DDHD1: variants seen among roughly 807,000 people sequenced by gnomAD.
DDHD1 encodes phospholipase DDHD1.
In DDHD1, 49 loss-of-function variants were observed where a neutral mutation model predicts 96.4. The ratio of observed to expected loss-of-function variants is 0.51; its 90% CI spans 0.40 to 0.64. DDHD1 has a LOEUF of 0.64. Among genes scored for constraint, DDHD1 ranks in the 30% least tolerant of loss-of-function variants. DDHD1 has a pLI of 0.00. For missense variants in DDHD1, 1,106 were observed against 1,161.2 expected (o/e 0.95, Z 0.69); for synonymous variants, 442 against 446.5 (o/e 0.99, Z 0.13).
At chr14:53,084,704 G>C (rs1353937805) in intron 4 of DDHD1, among the ~76,000 whole-genome samples, 2 of 152,138 alleles carry the variant, frequency 1.3e-5, no homozygotes, top group Non-Finnish European at 2.9e-5. Flanking sequence ...CTCCCAGCTT[G>C]ATCGATGCAG....
chr14:53,152,120 GCT>G, intron 1 of DDHD1, 139 bp downstream of exon 1: 4 of 847,172 alleles, frequency 4.7e-6, no homozygotes, highest in South Asian at 4.4e-5. Flanking sequence ...GACGCTCCCT[GCT>G]CAATCTCCAT....
intron 6 of DDHD1, among the ~76,000 whole-genome samples, chr14:53,068,050 A>G (rs1884189522): frequency 6.6e-6 from 1 of 152,100 alleles, no homozygotes; most frequent in African/African-American, 2.4e-5. Context: ...TTATAAATTT[A>G]TTTTGATATA....
At chr14:53,047,895 A>G (rs1468016197) in intron 12 of DDHD1, among the ~76,000 whole-genome samples, 3 of 152,214 alleles carry the variant, frequency 2.0e-5, no homozygotes, top group Non-Finnish European at 4.4e-5. Context: ...TGAAGGGTCT[A>G]TGTTACAAAC....
intron 4 of DDHD1, among the ~76,000 whole-genome samples, chr14:53,085,831 G>A (rs1483646542): frequency 6.6e-6 from 1 of 152,122 alleles, no homozygotes; most frequent in Non-Finnish European, 1.5e-5. Context: ...GCTTCAGAAG[G>A]TTGGTAATAA....
At position 53,044,366 on chromosome 14, in the gene DDHD1, C is replaced by A. The variant is rs540126993; in HGVS notation, c.*2402G>T. 1 of 152,114 alleles carries A rather than the reference C, an allele frequency of 6.6e-6. No individual in the cohort carries two copies. The highest frequency in any genetic ancestry group is 6.6e-5 in the Admixed American group (1 of 15,264). 9.4% of individuals were successfully genotyped at this position (152,114 alleles called of 1,614,324 possible). Reference sequence around the variant, plus strand: ...AGACATATTCCTATGGCTATAGGAACATACCTTTTACTCAGTGATATCAAA... The same window carrying A: ...AGACATATTCCTATGGCTATAGGAAAATACCTTTTACTCAGTGATATCAAA... On this transcript the variant is annotated 3_prime_UTR_variant, in exon 13 of 13. Coordinates refer to ENST00000673822, the MANE Select transcript of DDHD1 (RefSeq NM_001160148.2).
In DDHD1 at chr14:53,079,962, C is replaced by G. The variant is rs149613182; in HGVS notation, c.1290-6115G>C. ...ATAGATACTGCCACATACTCGTTTT[C>G]ATTGCATTCCATCAGCTGTACAAGA... is the stretch of plus-strand genomic sequence containing the variant. On this transcript the variant is annotated intron_variant, in intron 4 of 12. Coordinates refer to ENST00000673822, the MANE Select transcript of DDHD1 (RefSeq NM_001160148.2). Among the ~76,000 whole-genome samples the G allele has an allele frequency of 5.9e-5, 9 of 152,302 alleles. No homozygotes were observed. The East Asian group carries it at 1.7e-3, about 29-fold the overall frequency.
chr14:53,075,492 G>A (rs1333860548), intron 4 of DDHD1, among the ~76,000 whole-genome samples: 1 of 152,152 alleles, frequency 6.6e-6, no homozygotes, highest in Non-Finnish European at 1.5e-5. Context: ...AAAGTTTGAA[G>A]CTAGCAGGTT....
intron 6 of DDHD1, among the ~76,000 whole-genome samples, chr14:53,069,533 G>C (rs1257771793): frequency 5.9e-5 from 9 of 152,168 alleles, no homozygotes; most frequent in Admixed American, 5.9e-4. Flanking sequence ...CTATAGTATA[G>C]TGTAACCATA....
At chr14:53,082,236 A>G (rs1885527580) in intron 4 of DDHD1, among the ~76,000 whole-genome samples, 1 of 152,218 alleles carries the variant, frequency 6.6e-6, no homozygotes, top group South Asian at 2.1e-4. Context: ...TTGTAAGAAG[A>G]GAAGATAGAG....
At chr14:53,142,378 T>A (rs1566605314) in intron 1 of DDHD1, among the ~76,000 whole-genome samples, 1 of 152,014 alleles carries the variant, frequency 6.6e-6, no homozygotes. Context: ...TGCAGATCAA[T>A]TAAGAGGATT....
intron 1 of DDHD1, among the ~76,000 whole-genome samples, chr14:53,123,202 A>G (rs1300931320): frequency 6.6e-6 from 1 of 150,822 alleles, no homozygotes; most frequent in Non-Finnish European, 1.5e-5. Flanking sequence ...GCTGGAGTGC[A>G]GTGGTGCGAT....
At chr14:53,122,694 G>C (rs1235424029) in intron 1 of DDHD1, among the ~76,000 whole-genome samples, 1 of 151,148 alleles carries the variant, frequency 6.6e-6, no homozygotes, top group Non-Finnish European at 1.5e-5. Flanking sequence ...GAGTAGCTGA[G>C]ATTACAGGCA....
At chr14:53,110,243 C>A (rs1414736381) in intron 1 of DDHD1, among the ~76,000 whole-genome samples, 1 of 152,202 alleles carries the variant, frequency 6.6e-6, no homozygotes, top group East Asian at 1.9e-4. Flanking sequence ...TCACACTAAT[C>A]ATTTCTTGTT....
At position 53,093,303 on chromosome 14, in the gene DDHD1, A is replaced by C; in HGVS notation, c.1141+13T>G. 6.2e-7 allele frequency: 1 copy of C among 1,601,624 alleles called. No homozygotes were observed. The highest frequency in any genetic ancestry group is 8.5e-7 in the Non-Finnish European group (1 of 1,176,992). On this transcript the variant is annotated intron_variant, in intron 3 of 12. Coordinates refer to ENST00000673822, the MANE Select transcript of DDHD1 (RefSeq NM_001160148.2). ...CAAAATTTTGATAAGCTCTAGTAAT[A>C]TTTAACAATTACCTTTAGAAAATCC...
At chr14:53,141,429 G>C (rs1890634621) in intron 1 of DDHD1, among the ~76,000 whole-genome samples, 3 of 152,138 alleles carry the variant, frequency 2.0e-5, no homozygotes, top group African/African-American at 7.2e-5. Context: ...CTTGTAAACA[G>C]AATTTCTTCT....
intron 4 of DDHD1, among the ~76,000 whole-genome samples, chr14:53,077,406 A>G (rs972043437): frequency 2.0e-5 from 3 of 152,196 alleles, no homozygotes; most frequent in Non-Finnish European, 4.4e-5. Flanking sequence ...GGTATAACCA[A>G]ATAGTTTCTG....
chr14:53,076,863 TTAAGA>T (rs367616913), intron 4 of DDHD1, among the ~76,000 whole-genome samples: 7 of 152,328 alleles, frequency 4.6e-5, no homozygotes, highest in African/African-American at 1.4e-4. Flanking sequence ...CATTTTAAAA[TTAAGA>T]TATGTACACG....
At chr14:53,101,436 G>A (rs909538087) in intron 2 of DDHD1, among the ~76,000 whole-genome samples, 1 of 152,002 alleles carries the variant, frequency 6.6e-6, no homozygotes, top group Admixed American at 6.6e-5. Flanking sequence ...AACAGAACAT[G>A]CTGAATCTTA....
At chr14:53,082,108 T>C (rs930505725) in intron 4 of DDHD1, among the ~76,000 whole-genome samples, 23 of 152,232 alleles carry the variant, frequency 1.5e-4, no homozygotes, top group Non-Finnish European at 3.1e-4. Flanking sequence ...TATTATACTA[T>C]ACCTCAGACA....
Sources: gnomAD v4.1 joint callset for allele counts (sites outside exome capture counted in the v4.1 genomes callset) on GRCh38, gnomAD v4.1.1 for gene constraint, MANE v1.5 for transcripts, NCBI Gene and HGNC (gene_info 2026-07-23, HGNC 2026-07-21) for gene names.